The following CSMD3 variants were observed in gnomAD, a reference collection of about 807,000 sequenced individuals.
The protein encoded by CSMD3 is CUB and Sushi multiple domains 3.
Under a neutral mutation model 435.2 loss-of-function variants are expected in CSMD3, and 177 were observed. The observed-to-expected ratio is 0.41, with a 90% CI of 0.36 to 0.46. The LOEUF is 0.46. Ranked by LOEUF, CSMD3 falls within the 20% of genes least tolerant of loss-of-function variation. CSMD3 has a pLI of 0.34. For synonymous variants in CSMD3, 1,656 were observed against 1,520.5 expected, an observed-to-expected ratio of 1.09 and a Z score of -2.07; for missense variants, 4,265 against 4,504.6, an observed-to-expected ratio of 0.95 and a Z score of 1.52.
Position 112,263,887 on chromosome 8 carries a change from T to G in CSMD3, c.9689-75A>C, listed in dbSNP as rs1816682812. On this transcript the variant is annotated intron_variant, in intron 60 of 70. Transcript: ENST00000297405. Reference sequence around the variant, plus strand: ...CCTTAAAGATATAAATAAATATCATTAGAAGAAGCACATGTGCTAATTTAA... The same window carrying G: ...CCTTAAAGATATAAATAAATATCATGAGAAGAAGCACATGTGCTAATTTAA... The G allele has an allele frequency of 5.3e-6, 7 of 1,309,822 alleles. No homozygotes were observed. In the South Asian group the frequency reaches 8.4e-5, roughly 16 times the overall value. The allele number at this position is 1,309,822 out of a possible 1,614,324, so 81.1% of individuals were successfully genotyped here. A position where few individuals can be genotyped will look rare whatever the true frequency, so the allele number is the denominator to read the frequency against.
rs1474412295 is a variant in CSMD3 at position 113,214,129 on chromosome 8, G to GA, written c.515-40214dup. Among the ~76,000 whole-genome samples the GA allele has an allele frequency of 9.2e-5, 14 of 152,136 alleles. No individual in the cohort carries two copies. The East Asian group carries it at 2.3e-3, about 25-fold the overall frequency. ...GAGGCTACTACTTCAGTAGAAACCA[G>GA]AAAAAAGTGAGGCTTCCACTTCCTA... On this transcript the variant is annotated intron_variant, in intron 3 of 70. Transcript: ENST00000297405.
intron 13 of CSMD3, among the ~76,000 whole-genome samples, chr8:112,721,242 A>G (rs1161775030): frequency 1.3e-5 from 2 of 152,136 alleles, no homozygotes; most frequent in Non-Finnish European, 2.9e-5. Flanking sequence ...AACTGAATCT[A>G]TGTGACTTAT....
intron 4 of CSMD3, among the ~76,000 whole-genome samples, chr8:113,155,557 G>A (rs576884082): frequency 6.6e-6 from 1 of 152,140 alleles, no homozygotes; most frequent in South Asian, 2.1e-4. Flanking sequence ...AGACCACAGG[G>A]TCAAGTATTC....
chr8:112,588,664 T>C (rs1031496072), intron 22 of CSMD3, among the ~76,000 whole-genome samples: 2 of 152,104 alleles, frequency 1.3e-5, no homozygotes, highest in African/African-American at 4.8e-5. Context: ...GGCATAAGAT[T>C]TTGTTTTCCT....
intron 1 of CSMD3, among the ~76,000 whole-genome samples, chr8:113,324,576 C>T (rs935591955): frequency 6.6e-5 from 10 of 152,166 alleles, no homozygotes; most frequent in Non-Finnish European, 1.2e-4. Flanking sequence ...TAACACCTGG[C>T]TGCCCAGCCA....
intron 3 of CSMD3, among the ~76,000 whole-genome samples, chr8:113,255,074 A>G (rs2093368193): frequency 1.3e-5 from 2 of 152,188 alleles, no homozygotes; most frequent in African/African-American, 2.4e-5. Context: ...CTCAATTCAC[A>G]TACGTTCACG....
chr8:112,292,054 T>G (rs2130683017), intron 55 of CSMD3, among the ~76,000 whole-genome samples: 1 of 152,204 alleles, frequency 6.6e-6, no homozygotes, highest in Middle Eastern at 3.4e-3. Flanking sequence ...AATATACTTC[T>G]TTGCAAACTG....
intron 70 of CSMD3, among the ~76,000 whole-genome samples, chr8:112,225,409 C>T (rs1377175944): frequency 1.3e-5 from 2 of 150,964 alleles, no homozygotes; most frequent in African/African-American, 2.4e-5. Context: ...TGATAGAAAA[C>T]AAGAATAAAT....
intron 2 of CSMD3, among the ~76,000 whole-genome samples, chr8:113,286,328 A>G (rs140114170): frequency 6.6e-6 from 1 of 152,178 alleles, no homozygotes; most frequent in African/African-American, 2.4e-5. Context: ...GAATTAAACA[A>G]TTAACTTACA....
At chr8:112,713,032 G>A (rs540807860) in intron 13 of CSMD3, among the ~76,000 whole-genome samples, 11 of 152,224 alleles carry the variant, frequency 7.2e-5, no homozygotes, top group South Asian at 2.1e-4. Flanking sequence ...TCCAGCACCA[G>A]CAACCAATAT....
chr8:113,091,141 C>A (rs1169631284), intron 5 of CSMD3, among the ~76,000 whole-genome samples: 1 of 151,904 alleles, frequency 6.6e-6, no homozygotes, highest in Non-Finnish European at 1.5e-5. Flanking sequence ...ATATGCCAAG[C>A]ATTAGAAATT....
chr8:112,492,271 A>G (rs1487293552), intron 31 of CSMD3, among the ~76,000 whole-genome samples: 1 of 152,154 alleles, frequency 6.6e-6, no homozygotes, highest in African/African-American at 2.4e-5. Flanking sequence ...ATTATAGTAC[A>G]CATATTGCTT....
intron 6 of CSMD3, among the ~76,000 whole-genome samples, chr8:113,005,578 A>G (rs978951473): frequency 1.3e-5 from 2 of 152,030 alleles, no homozygotes; most frequent in Admixed American, 1.3e-4. Flanking sequence ...TAAAAGAGAA[A>G]GGAAATCACT....
intron 13 of CSMD3, among the ~76,000 whole-genome samples, chr8:112,725,951 A>T (rs1362676165): frequency 6.6e-6 from 1 of 152,006 alleles, no homozygotes; most frequent in African/African-American, 2.4e-5. Context: ...TTATAAAGGA[A>T]AGAGGTTTAA....
intron 4 of CSMD3, among the ~76,000 whole-genome samples, chr8:113,102,905 A>G (rs1045781212): frequency 3.3e-5 from 5 of 152,144 alleles, no homozygotes; most frequent in Admixed American, 6.6e-5. Context: ...GATTTAGGTT[A>G]TCAAAAGATC....
intron 32 of CSMD3, among the ~76,000 whole-genome samples, chr8:112,443,829 T>A (rs1170689640): frequency 6.6e-6 from 1 of 152,072 alleles, no homozygotes; most frequent in African/African-American, 2.4e-5. Flanking sequence ...TTTATTAATT[T>A]AATTTATTAT....
intron 27 of CSMD3, among the ~76,000 whole-genome samples, chr8:112,536,005 T>C (rs1352322883): frequency 6.6e-6 from 1 of 152,076 alleles, no homozygotes. Flanking sequence ...TCCTTACACC[T>C]TATACAAAAA....
intron 31 of CSMD3, among the ~76,000 whole-genome samples, chr8:112,477,912 G>A (rs2130783388): frequency 6.6e-6 from 1 of 152,252 alleles, no homozygotes; most frequent in South Asian, 2.1e-4. Flanking sequence ...AAATTCCCAT[G>A]TGGTGTAAAA....
chr8:113,246,802 T>G (rs1588361366), intron 3 of CSMD3, among the ~76,000 whole-genome samples: 3 of 152,170 alleles, frequency 2.0e-5, no homozygotes. Flanking sequence ...CCCTGATGCA[T>G]GTGGTCAATT....
Sources: allele counts gnomAD v4.1 joint callset (sites outside exome capture counted in the v4.1 genomes callset), GRCh38; gene constraint gnomAD v4.1.1; transcripts MANE v1.5; gene names NCBI Gene and HGNC (gene_info 2026-07-23, HGNC 2026-07-21).